Variants in NSD1 observed in about 807,000 individuals in gnomAD.
NSD1 encodes the protein histone-lysine N-methyltransferase, H3 lysine-36 specific.
A neutral mutation model predicts 242.7 loss-of-function variants in NSD1; 26 were observed. That is an observed-to-expected ratio of 0.11 (90% CI 0.08 to 0.15). NSD1 has a LOEUF of 0.15. Ranked by LOEUF, NSD1 falls within the 10% of genes least tolerant of loss-of-function variation. The pLI is 1.00. For synonymous variants in NSD1, 1,106 were observed against 1,178.1 expected, an observed-to-expected ratio of 0.94 and a Z score of 1.25; for missense variants, 2,495 against 3,272.8, an observed-to-expected ratio of 0.76 and a Z score of 5.80.
At chr5:177,174,030 C>T (rs1546363) in intron 2 of NSD1, among the ~76,000 whole-genome samples, 54,720 of 151,908 alleles carry the variant, frequency 0.36, 13,156 homozygotes, top group African/African-American at 0.68. Flanking sequence ...CATTATCCTG[C>T]TGGTCAGCAT....
chr5:177,246,590 A>G (rs1766313631), intron 9 of NSD1, 88 bp from the exon 10 acceptor site: 1 of 873,130 alleles, frequency 1.1e-6, no homozygotes, highest in Non-Finnish European at 2.0e-6. Context: ...AATGAGTTTT[A>G]AGGTTGGTTT....
Position 177,221,617 on chromosome 5 carries a change from T to C in NSD1, c.3796+9422T>C, listed in dbSNP as rs552416175. On this transcript the variant is annotated intron_variant, in intron 5 of 22. Transcript: ENST00000439151. ...AGTAGCTGGGATTAGATTACAGGCA[T>C]GCGCCACCATGCCTGGCTAATTTTT... is the stretch of plus-strand genomic sequence containing the variant. Among the ~76,000 whole-genome samples, 3 of 151,850 alleles carry C rather than the reference T, an allele frequency of 2.0e-5. No homozygotes were observed. The East Asian group carries it at 5.8e-4, about 30-fold the overall frequency.
intron 2 of NSD1, among the ~76,000 whole-genome samples, chr5:177,164,406 C>T (rs1759011223): frequency 6.6e-6 from 1 of 152,020 alleles, no homozygotes; most frequent in African/African-American, 2.4e-5. Context: ...ATCCGCCTGC[C>T]TCGGCCTCCC....
chr5:177,267,809 A>T, intron 15 of NSD1, 91 bp downstream of exon 15: 1 of 1,277,904 alleles, frequency 7.8e-7, no homozygotes, highest in South Asian at 1.2e-5. Flanking sequence ...CTAATGATCT[A>T]CTTAATTACT....
intron 17 of NSD1, among the ~76,000 whole-genome samples, chr5:177,276,117 T>A (rs902210408): frequency 3.3e-5 from 5 of 151,786 alleles, no homozygotes; most frequent in African/African-American, 4.8e-5. Flanking sequence ...TTTTGTAGAG[T>A]TGGGGTTTCA....
At chr5:177,180,722 G>T (rs1441339523) in intron 2 of NSD1, among the ~76,000 whole-genome samples, 2 of 151,706 alleles carry the variant, frequency 1.3e-5, no homozygotes, top group African/African-American at 2.4e-5. Flanking sequence ...TCGCTCTGTT[G>T]CCCAGGCTAG....
chr5:177,274,599 G>C (rs971296964), intron 17 of NSD1, among the ~76,000 whole-genome samples: 1 of 152,048 alleles, frequency 6.6e-6, no homozygotes, highest in Non-Finnish European at 1.5e-5. Flanking sequence ...AGATTACCCA[G>C]GTTGTTCTTG....
intron 21 of NSD1, among the ~76,000 whole-genome samples, chr5:177,290,100 T>C (rs1011970270): frequency 1.3e-4 from 19 of 151,586 alleles, no homozygotes; most frequent in Non-Finnish European, 2.4e-4. Flanking sequence ...AGTGCTGGGA[T>C]TACAGGCGTG....
chr5:177,210,951 A>G lies in NSD1; in HGVS notation c.2552A>G (p.Asp851Gly), dbSNP rs773406992. The change falls in exon 5 of 23, where the codon GAC becomes GGC. Residue 851 changes from aspartate to glycine, a missense_variant. By Grantham distance (94) the Asp-to-Gly change is moderately conservative. Around this residue, in one of 19 missense-constraint regions of NSD1, gnomAD observed 121 missense variants for 167.2 expected, o/e 0.72. Transcript: ENST00000439151. ...NMHEKTRDSS[D>G]IETAVVKHVL... ...CATGAGAAAACCAGGGATTCAAGTGACATAGAAACAGCAGTGGTGAAACAT... is the reference window on the plus strand; with the variant it reads ...CATGAGAAAACCAGGGATTCAAGTGGCATAGAAACAGCAGTGGTGAAACAT... 11 of 1,614,090 alleles carry G rather than the reference A, an allele frequency of 6.8e-6. No individual in the cohort carries two copies. Among genetic ancestry groups the G allele is most frequent in the South Asian group, 1.1e-5 (1 of 91,096 alleles).
intron 12 of NSD1, among the ~76,000 whole-genome samples, chr5:177,252,605 A>T (rs1756083206): frequency 7.9e-6 from 1 of 125,850 alleles, no homozygotes; most frequent in Non-Finnish European, 1.6e-5. Flanking sequence ...AGGTTTGAGT[A>T]CAGTGGCGTG....
chr5:177,244,213 C>G lies in NSD1; in HGVS notation c.4321C>G (p.Leu1441Val), dbSNP rs1766103475. The G allele has an allele frequency of 1.2e-6, 2 of 1,613,102 alleles. No individual in the cohort carries two copies. Among genetic ancestry groups the G allele is most frequent in the African/African-American group, 2.7e-5 (2 of 74,990 alleles). Reference sequence around the variant, plus strand: ...TTTATAGTGCTATGAAGCTGGTCACCTGGAGAATGGCATAACTGAATCTTG... The same window carrying G: ...TTTATAGTGCTATGAAGCTGGTCACGTGGAGAATGGCATAACTGAATCTTG... ...LSKKCYEAGH[L>V]ENGITESCAT... Residue 1441 changes from leucine (L) to valine (V), a missense_variant, in exon 9 of 23, where the codon CTG becomes GTG. Transcript: ENST00000439151.
chr5:177,172,961 CAAA>C (rs1157349270), intron 2 of NSD1, among the ~76,000 whole-genome samples: 6 of 66,032 alleles, frequency 9.1e-5, no homozygotes, highest in Admixed American at 1.9e-4. Flanking sequence ...GACCCTGTCT[CAAA>C]AAAAAAAAAA....
rs545382672 is a variant in NSD1, at chr5:177,257,449, T to C, written c.4966+298T>C. Among the ~76,000 whole-genome samples, 15 of 152,224 alleles carry C rather than the reference T, an allele frequency of 9.9e-5. No homozygotes were observed. The South Asian group carries it at 2.9e-3, about 29-fold the overall frequency. ...GGTTTCACCGTGTTAGCCAGGATGG[T>C]CTCGATCTCCTGACCTCGTGATCCA... On this transcript the variant is annotated intron_variant, in intron 13 of 22. Coordinates refer to ENST00000439151, the MANE Select transcript of NSD1 (RefSeq NM_022455.5).
chr5:177,218,439 G>A (rs984119781), intron 5 of NSD1, among the ~76,000 whole-genome samples: 1 of 151,830 alleles, frequency 6.6e-6, no homozygotes. Context: ...TCTACCTCAA[G>A]TGTGAAGGTC....
intron 2 of NSD1, among the ~76,000 whole-genome samples, chr5:177,178,892 A>G (rs1760427892): frequency 6.6e-6 from 1 of 152,178 alleles, no homozygotes; most frequent in African/African-American, 2.4e-5. Context: ...TGGTATTAAT[A>G]TCAATGTAAT....
intron 2 of NSD1, among the ~76,000 whole-genome samples, chr5:177,180,635 G>A (rs1439938233): frequency 6.6e-6 from 1 of 151,794 alleles, no homozygotes; most frequent in African/African-American, 2.4e-5. Flanking sequence ...ATTTTGTTAT[G>A]TGTCCTGGTA....
chr5:177,219,361 A>C (rs1764058548), intron 5 of NSD1, among the ~76,000 whole-genome samples: 1 of 151,452 alleles, frequency 6.6e-6, no homozygotes, highest in South Asian at 2.1e-4. Flanking sequence ...AATTTTTTGT[A>C]TTTTTAGTAG....
At chr5:177,255,159 G>A (rs1259810605) in intron 12 of NSD1, among the ~76,000 whole-genome samples, 1 of 152,146 alleles carries the variant, frequency 6.6e-6, no homozygotes, top group Non-Finnish European at 1.5e-5. Context: ...ATAAAAATTA[G>A]CCAGGCATGG....
At chr5:177,277,934 G>A (rs373129718) in intron 17 of NSD1, among the ~76,000 whole-genome samples, 15 of 152,290 alleles carry the variant, frequency 9.8e-5, no homozygotes, top group Admixed American at 4.6e-4. Flanking sequence ...AAAATATTTC[G>A]AATCAGAAGT....
Sources: allele counts gnomAD v4.1 joint callset (sites outside exome capture counted in the v4.1 genomes callset), GRCh38; gene constraint gnomAD v4.1.1; regional missense constraint gnomAD v4.1.1; transcripts MANE v1.5; gene names NCBI Gene and HGNC (gene_info 2026-07-23, HGNC 2026-07-21).